The following CCDC102A variants were observed in gnomAD, a reference collection of about 807,000 sequenced individuals.
CCDC102A encodes coiled-coil domain containing 102A, also known as coiled-coil domain-containing protein 102A.
CCDC102A carries 40 observed loss-of-function variants against 55.5 expected under a neutral mutation model. That is an observed-to-expected ratio of 0.72 (90% CI 0.56 to 0.94). The LOEUF is 0.94. Among genes scored for constraint, CCDC102A ranks in the 40% least tolerant of loss-of-function variants. The pLI, the probability that CCDC102A is intolerant of heterozygous loss-of-function variation, is 0.00. For synonymous variants in CCDC102A, 323 were observed against 339.0 expected (o/e 0.95, Z 0.52); for missense variants, 779 against 768.6 (o/e 1.01, Z -0.16).
chr16:57,519,127 T>C (rs1159761187), intron 4 of CCDC102A, among the ~76,000 whole-genome samples: 3 of 152,006 alleles, frequency 2.0e-5, no homozygotes, highest in Admixed American at 2.0e-4. Flanking sequence ...CCCTGCACGA[T>C]TGGACACCTA....
intron 3 of CCDC102A, among the ~76,000 whole-genome samples, chr16:57,523,827 C>T (rs2032090497): frequency 6.6e-6 from 1 of 152,036 alleles, no homozygotes; most frequent in African/African-American, 2.4e-5. Context: ...ATTTTTTAGC[C>T]ACCCTCTGGG....
chr16:57,528,713 G>C lies in CCDC102A; in HGVS notation c.465C>G (p.Arg155=). The C allele has an allele frequency of 8.9e-7, 1 of 1,126,672 alleles. No individual in the cohort carries two copies. The highest frequency in any genetic ancestry group is 1.1e-6 in the Non-Finnish European group (1 of 915,396). 69.8% of individuals were successfully genotyped at this position (1,126,672 alleles called of 1,614,324 possible). Reference sequence around the variant, plus strand: ...GGGCGCCCCTCAGCCGCGCCAGCTCGCGGCCCCGTGCCTCGCACTCGCCCT... The same window carrying C: ...GGGCGCCCCTCAGCCGCGCCAGCTCCCGGCCCCGTGCCTCGCACTCGCCCT... ...EAQGECEARG[R]ELARLRGARG... The change falls in exon 2 of 9, where the codon CGC becomes CGG. Residue 155 remains arginine, a synonymous_variant. Coordinates refer to ENST00000258214, the MANE Select transcript of CCDC102A (RefSeq NM_033212.4).
chr16:57,532,602 G>A (rs1281061633), intron 1 of CCDC102A, among the ~76,000 whole-genome samples: 3 of 152,124 alleles, frequency 2.0e-5, no homozygotes, highest in Non-Finnish European at 4.4e-5. Flanking sequence ...ACATTTGCCT[G>A]TAGACACAGA....
At chr16:57,513,346 C>T (rs557242030) in intron 8 of CCDC102A, among the ~76,000 whole-genome samples, 10 of 152,308 alleles carry the variant, frequency 6.6e-5, no homozygotes, top group African/African-American at 2.2e-4. Context: ...TCAAAATTTA[C>T]GAGGAAAACT....
Position 57,512,624 on chromosome 16 carries a change from G to A in CCDC102A, c.*117C>T, listed in dbSNP as rs185046202. 1.4e-4 allele frequency: 183 copies of A among 1,290,304 alleles called. 1 individual carries two copies. Among genetic ancestry groups the A allele is most frequent in the Admixed American group, 7.1e-4 (30 of 41,998 alleles). 79.9% of individuals were successfully genotyped at this position (1,290,304 alleles called of 1,614,324 possible). A position where few individuals can be genotyped will look rare whatever the true frequency, so the allele number is the denominator to read the frequency against. ...GCCATCCCTGGGAGAGAAGAAAGTC[G>A]GCTGTGGCAGGGACTGGTCCCAGAG... On this transcript the variant is annotated 3_prime_UTR_variant, in exon 9 of 9. Transcript: ENST00000258214.
intron 3 of CCDC102A, among the ~76,000 whole-genome samples, chr16:57,524,289 G>A (rs1033134339): frequency 1.3e-5 from 2 of 151,976 alleles, no homozygotes; most frequent in African/African-American, 4.8e-5. Context: ...ATTTTCAGAT[G>A]AGCCTGAGGT....
At chr16:57,521,226 G>GTGAGGACTCCAAGC in intron 3 of CCDC102A, 50 bp from the exon 4 acceptor site, 2 of 1,422,614 alleles carry the variant, frequency 1.4e-6, no homozygotes, top group African/African-American at 1.4e-5. Flanking sequence ...CCTCTGCTTG[G>GTGAGGACTCCAAGC]AGTCCTCACC....
At position 57,516,343 on chromosome 16, in the gene CCDC102A, G is replaced by T; in HGVS notation, c.1369C>A (p.Arg457=). The change falls in exon 7 of 9, where the codon CGG becomes AGG. Residue 457 remains arginine, a synonymous_variant. Transcript: ENST00000258214. The surrounding 1 kb of genome is among the most constrained non-coding windows in gnomAD (Gnocchi z 4.4). The stretch of plus-strand genomic sequence containing the variant: ...TTCTTGAGCTCCTCCACCCGCAGCC[G>T]CAGCTTCTTCACCTCAGCCTCGTGC... ...EQHEAEVKKL[R]LRVEELKKEL... is the part of the protein sequence containing the mutation. 1 of 1,608,294 alleles carries T rather than the reference G, an allele frequency of 6.2e-7. No homozygotes were observed.
chr16:57,536,686 T>G (rs2032400745), upstream of CCDC102A: 1 of 152,026 alleles, frequency 6.6e-6, no homozygotes, highest in South Asian at 2.1e-4. Flanking sequence ...GCGGCCCCGC[T>G]GTGACCCCGG....
rs1292535699 is a variant in CCDC102A at position 57,529,266 on chromosome 16, A to G, written c.-89T>C. 9.8e-6 allele frequency: 11 copies of G among 1,118,248 alleles called. 1 individual carries two copies. Among genetic ancestry groups the G allele is most frequent in the Non-Finnish European group, 1.1e-5 (10 of 913,790 alleles). 69.3% of individuals were successfully genotyped at this position (1,118,248 alleles called of 1,614,324 possible). On this transcript the variant is annotated 5_prime_UTR_variant, in exon 2 of 9. It removes an upstream start codon present in the reference 5' UTR. Transcript: ENST00000258214. This position sits in a 1 kb window ranked among gnomAD's most constrained non-coding sequence, Gnocchi z 4.1. ...CGCGGCGGGCGCGATACAACTGTGC[A>G]TGATGACGCCGTGCCCCGCTTCCCT...
intron 1 of CCDC102A, among the ~76,000 whole-genome samples, chr16:57,535,876 C>T (rs1197357170): frequency 1.3e-5 from 2 of 152,112 alleles, no homozygotes; most frequent in African/African-American, 4.8e-5. Flanking sequence ...CCTGGGAGAG[C>T]GGGGGTGGGA....
At chr16:57,531,969 G>A (rs1192496677) in intron 1 of CCDC102A, among the ~76,000 whole-genome samples, 1 of 152,142 alleles carries the variant, frequency 6.6e-6, no homozygotes, top group Non-Finnish European at 1.5e-5. Flanking sequence ...CAGCGACCCC[G>A]CTGCATTTCT....
chr16:57,524,781 TG>T, intron 3 of CCDC102A, among the ~76,000 whole-genome samples: 1 of 152,336 alleles, frequency 6.6e-6, no homozygotes, highest in African/African-American at 2.4e-5. Flanking sequence ...ACAGAAAAAC[TG>T]CAGAATATTC....
chr16:57,518,594 A>G, intron 5 of CCDC102A, 31 bp downstream of exon 5: 1 of 1,556,292 alleles, frequency 6.4e-7, no homozygotes, highest in Non-Finnish European at 8.9e-7. Flanking sequence ...CCCTAAACCC[A>G]GGTCCTCCTG....
intron 3 of CCDC102A, among the ~76,000 whole-genome samples, chr16:57,524,434 A>G (rs1287018041): frequency 2.6e-5 from 4 of 152,262 alleles, no homozygotes; most frequent in East Asian, 1.9e-4. Context: ...CATGCGCCAG[A>G]GGCATGGTGG....
chr16:57,526,399 A>C (rs2032142968), intron 2 of CCDC102A, among the ~76,000 whole-genome samples: 1 of 152,228 alleles, frequency 6.6e-6, no homozygotes, highest in African/African-American at 2.4e-5. Flanking sequence ...TGTCACTGGA[A>C]GTATGCAAAC....
chr16:57,526,207 T>C (rs1421020344), intron 2 of CCDC102A, 80 bp from the exon 3 acceptor site: 1 of 1,038,466 alleles, frequency 9.6e-7, no homozygotes, highest in Non-Finnish European at 1.4e-6. Context: ...TGGGTAACCT[T>C]GGGCAAGTCA....
chr16:57,514,259 T>C (rs1242119130), intron 8 of CCDC102A, among the ~76,000 whole-genome samples: 1 of 152,180 alleles, frequency 6.6e-6, no homozygotes, highest in African/African-American at 2.4e-5. Flanking sequence ...TACCGTGGTG[T>C]GATCACAGCT....
In CCDC102A at chr16:57,515,450, G is replaced by C. The variant is rs1214451762; in HGVS notation, c.1420-6C>G. Reference sequence around the variant, plus strand: ...TGGTTGTGGGCCTCGTCCAGCTGTGGGGGTGAGCAGGGCCGAAAGCACGAG... The same window carrying C: ...TGGTTGTGGGCCTCGTCCAGCTGTGCGGGTGAGCAGGGCCGAAAGCACGAG... On this transcript the variant is annotated splice_polypyrimidine_tract_variant and splice_region_variant and intron_variant, in intron 7 of 8. Coordinates refer to ENST00000258214, the MANE Select transcript of CCDC102A (RefSeq NM_033212.4). The C allele has an allele frequency of 6.3e-7, 1 of 1,586,278 alleles. No homozygotes were observed. The highest frequency in any genetic ancestry group is 1.3e-5 in the African/African-American group (1 of 74,706).
Sources: gnomAD v4.1 joint callset for allele counts (sites outside exome capture counted in the v4.1 genomes callset) on GRCh38, gnomAD v4.1.1 for gene constraint, Gnocchi (gnomAD v3.1) non-coding constraint, MANE v1.5 for transcripts, NCBI Gene and HGNC (gene_info 2026-07-23, HGNC 2026-07-21) for gene names.